The following ATP1A2 variants were observed in gnomAD, a reference collection of about 807,000 sequenced individuals.
ATP1A2 encodes sodium/potassium-transporting ATPase subunit alpha-2.
Under a neutral mutation model 113.1 loss-of-function variants are expected in ATP1A2, and 56 were observed. The ratio of observed to expected loss-of-function variants is 0.49; its 90% confidence interval spans 0.40 to 0.62. The LOEUF is 0.62. ATP1A2 is among the 20% of genes least tolerant of loss of function. The pLI, the probability that ATP1A2 is intolerant of heterozygous loss-of-function variation, is 0.00. For synonymous variants in ATP1A2, 490 were observed against 526.8 expected (o/e 0.93, Z 0.96); for missense variants, 712 against 1,357.8 (o/e 0.52, Z 7.47).
At chr1:160,122,817 A>C (rs1025623407) in intron 3 of ATP1A2, among the ~76,000 whole-genome samples, 1 of 152,146 alleles carries the variant, frequency 6.6e-6, no homozygotes, top group Admixed American at 6.5e-5. Context: ...GCAAGAATCC[A>C]TCTCTTAAAA....
chr1:160,141,374 T>C lies in ATP1A2; in HGVS notation c.*52T>C. Reference sequence around the variant, plus strand: ...GAAAGATGGGGAGCTCTGGAGGTGTTGTGGGGATGGTGATGGAGAGGGATG... The same window carrying C: ...GAAAGATGGGGAGCTCTGGAGGTGTCGTGGGGATGGTGATGGAGAGGGATG... On this transcript the variant is annotated 3_prime_UTR_variant, in exon 23 of 23. Transcript: ENST00000361216. 1.2e-6 allele frequency: 2 copies of C among 1,607,496 alleles called. No individual in the cohort carries two copies. Among genetic ancestry groups the C allele is most frequent in the Non-Finnish European group, 1.7e-6 (2 of 1,174,028 alleles).
Position 160,121,181 on chromosome 1 carries a change from C to G in ATP1A2, c.118-11C>G. The stretch of plus-strand genomic sequence containing the variant: ...CCTCCTCCCCAAAGTAACTCACCCT[C>G]CCTTCCCCAGGATGACCACAAGCTG... On this transcript the variant is annotated splice_polypyrimidine_tract_variant and intron_variant, in intron 2 of 22. Transcript: ENST00000361216. 5 of 1,614,212 alleles carry G rather than the reference C, an allele frequency of 3.1e-6. No homozygotes were observed. The highest frequency in any genetic ancestry group is 3.4e-6 in the Non-Finnish European group (4 of 1,180,020).
Position 160,135,825 on chromosome 1 carries a change from G to A in ATP1A2, c.2285-14G>A. On this transcript the variant is annotated splice_polypyrimidine_tract_variant and intron_variant, in intron 16 of 22. Transcript: ENST00000361216. The surrounding 1 kb of genome is among the most constrained non-coding windows in gnomAD (Gnocchi z 6.3). ...CCCTCTGACCTCCCTGATGCCCTCA[G>A]AATCTCCCCACAGGCCGCCTGATCT... is the stretch of plus-strand genomic sequence containing the variant. 1 of 1,614,120 alleles carries A rather than the reference G, an allele frequency of 6.2e-7. No homozygotes were observed. The highest frequency in any genetic ancestry group is 8.5e-7 in the Non-Finnish European group (1 of 1,180,014).
In ATP1A2 at chr1:160,119,200, C is replaced by CA. The variant is rs1345055606; in HGVS notation, c.13-1699dup. ...TTTGCTGTGAACCAGAAAATTGCTCCAAAAAAAGTATATTTTTTAAAATGC... is the reference window on the plus strand; with the variant it reads ...TTTGCTGTGAACCAGAAAATTGCTCCAAAAAAAAGTATATTTTTTAAAATGC... On this transcript the variant is annotated intron_variant, in intron 1 of 22. Coordinates refer to ENST00000361216, the MANE Select transcript of ATP1A2 (RefSeq NM_000702.4). 1.0e-4 allele frequency among the ~76,000 whole-genome samples: 8 copies of CA among 76,622 alleles called. No individual in the cohort carries two copies. The East Asian group carries it at 2.5e-3, about 24-fold the overall frequency. The allele number at this position is 76,622 out of a possible 152,430, so 50.3% of individuals were successfully genotyped here.
chr1:160,117,075 A>G (rs1651208820), intron 1 of ATP1A2, among the ~76,000 whole-genome samples: 1 of 152,136 alleles, frequency 6.6e-6, no homozygotes, highest in African/African-American at 2.4e-5. Context: ...TAAATGTACA[A>G]GCCTTCAAGC....
chr1:160,136,747 G>A lies in ATP1A2; in HGVS notation c.2709+32G>A, dbSNP rs1350414804. On this transcript the variant is annotated intron_variant, in intron 19 of 22. Transcript: ENST00000361216. ...GGTGCTGTGTAAACACAGCGCACATGTGTGAAGGTACGGGAAGCTGAATGC... is the reference window on the plus strand; with the variant it reads ...GGTGCTGTGTAAACACAGCGCACATATGTGAAGGTACGGGAAGCTGAATGC... The A allele has an allele frequency of 2.5e-6, 4 of 1,614,074 alleles. No homozygotes were observed. The Admixed American group carries it at 5.0e-5, about 20-fold the overall frequency.
chr1:160,135,004 TGAGGA>T lies in ATP1A2; in HGVS notation c.1965-133_1965-129del. 9.4e-7 allele frequency: 1 copy of T among 1,065,590 alleles called. No homozygotes were observed. The highest frequency in any genetic ancestry group is 1.4e-6 in the Non-Finnish European group (1 of 703,636). The allele number at this position is 1,065,590 out of a possible 1,614,324, so 66.0% of individuals were successfully genotyped here. A position where few individuals can be genotyped will look rare whatever the true frequency, so the allele number is the denominator to read the frequency against. The stretch of plus-strand genomic sequence containing the variant: ...AAAGAGAAATGGGGGAAGTGAGTAC[TGAGGA>T]GAGGAGAACTGAAGCAACAGGGGAA... On this transcript the variant is annotated intron_variant, in intron 14 of 22. Coordinates refer to ENST00000361216, the MANE Select transcript of ATP1A2 (RefSeq NM_000702.4). The surrounding 1 kb of genome is among the most constrained non-coding windows in gnomAD (Gnocchi z 6.3).
chr1:160,120,179 G>A (rs1223962402), intron 1 of ATP1A2, among the ~76,000 whole-genome samples: 2 of 152,136 alleles, frequency 1.3e-5, no homozygotes, highest in Non-Finnish European at 2.9e-5. Flanking sequence ...GTGCTTTGGG[G>A]GTCCAGTCCT....
chr1:160,123,568 T>C (rs964051382), intron 4 of ATP1A2, 152 bp downstream of exon 4: 6 of 941,388 alleles, frequency 6.4e-6, no homozygotes, highest in Non-Finnish European at 9.7e-6. Flanking sequence ...GAGGCTTCTA[T>C]ATATATCTGT....
Position 160,141,498 on chromosome 1 carries a change from A to AATT in ATP1A2, c.*176_*177insATT. On this transcript the variant is annotated 3_prime_UTR_variant, in exon 23 of 23. Transcript: ENST00000361216. ...GTATATAAATTGGGGTGATGACCCC[A>AATT]TAGACCTAACTGTGAACAATCAGAT... 4 of 755,290 alleles carry AATT rather than the reference A, an allele frequency of 5.3e-6. No homozygotes were observed. The highest frequency in any genetic ancestry group is 9.2e-6 in the Non-Finnish European group (4 of 433,652). 46.8% of individuals were successfully genotyped at this position (755,290 alleles called of 1,614,324 possible).
intron 9 of ATP1A2, 22 bp from the exon 10 acceptor site, chr1:160,128,958 G>C: frequency 2.5e-6 from 4 of 1,596,544 alleles, no homozygotes; most frequent in Non-Finnish European, 3.4e-6. Flanking sequence ...CACGCTCCTG[G>C]TTCCCCCTCA....
In ATP1A2 at chr1:160,121,319, G is replaced by C. The variant is rs369814326; in HGVS notation, c.177+68G>C. On this transcript the variant is annotated intron_variant, in intron 3 of 22. Coordinates refer to ENST00000361216, the MANE Select transcript of ATP1A2 (RefSeq NM_000702.4). Reference sequence around the variant, plus strand: ...AAACCATGCAGCATCAAGGTGGCAGGAGCCTTAAAACTGTAATCCAGCCTT... The same window carrying C: ...AAACCATGCAGCATCAAGGTGGCAGCAGCCTTAAAACTGTAATCCAGCCTT... 371 of 1,574,784 alleles carry C rather than the reference G, an allele frequency of 2.4e-4. 1 individual carries two copies. The Middle Eastern group carries it at 2.5e-3, about 11-fold the overall frequency.
At chr1:160,140,667 C>T in intron 22 of ATP1A2, 1 of 167,182 alleles carries the variant, frequency 6.0e-6, no homozygotes, top group Non-Finnish European at 1.3e-5. Flanking sequence ...CAGCTGCTCC[C>T]TTAGACTCTC....
Position 160,120,933 on chromosome 1 carries a change from A to G in ATP1A2, c.40A>G (p.Thr14Ala). The change falls in exon 2 of 23, where the codon ACC (threonine) becomes GCC (alanine). Residue 14 changes from threonine to alanine, a missense_variant. By Grantham distance (58) the Thr-to-Ala change is moderately conservative. This residue lies in a region of ATP1A2 where 109 missense variants were observed against 162.3 expected (regional missense o/e 0.67). Transcript: ENST00000361216. ...TGGCCGTGAGTACTCACCTGCCGCC[A>G]CCACGGCAGAGAATGGGGGCGGCAA... is the stretch of plus-strand genomic sequence containing the variant. The part of the protein sequence containing the change: ...GAGREYSPAA[T>A]TAENGGGKKK... 6.2e-7 allele frequency: 1 copy of G among 1,607,164 alleles called. No homozygotes were observed. Among genetic ancestry groups the G allele is most frequent in the Non-Finnish European group, 8.5e-7 (1 of 1,176,742 alleles).
Position 160,141,459 on chromosome 1 carries a change from G to C in ATP1A2, c.*137G>C, listed in dbSNP as rs1249379678. On this transcript the variant is annotated 3_prime_UTR_variant, in exon 23 of 23. Transcript: ENST00000361216. ...GGAGAGATAATGAGGCAACTCAGCAGGCTAAGTTGCGGGGTATATAAATTG... is the reference window on the plus strand; with the variant it reads ...GGAGAGATAATGAGGCAACTCAGCACGCTAAGTTGCGGGGTATATAAATTG... The C allele has an allele frequency of 2.0e-5, 22 of 1,124,502 alleles. No homozygotes were observed. 69.7% of individuals were successfully genotyped at this position (1,124,502 alleles called of 1,614,324 possible). A position where few individuals can be genotyped will look rare whatever the true frequency, so the allele number is the denominator to read the frequency against.
rs758478461 is a variant in ATP1A2, at chr1:160,135,323, C to T, written c.2115+28C>T. On this transcript the variant is annotated intron_variant, in intron 15 of 22. Coordinates refer to ENST00000361216, the MANE Select transcript of ATP1A2 (RefSeq NM_000702.4). The surrounding 1 kb of genome is among the most constrained non-coding windows in gnomAD (Gnocchi z 6.3). ...GAGCACAGCCACGGGAGGCAGATGA[C>T]AGGCAGGGACCGGGGAGGCAGGGAC... 3 of 1,614,162 alleles carry T rather than the reference C, an allele frequency of 1.9e-6. No homozygotes were observed. Among genetic ancestry groups the T allele is most frequent in the Non-Finnish European group, 2.5e-6 (3 of 1,180,022 alleles).
intron 2 of ATP1A2, 36 bp downstream of exon 2, chr1:160,121,046 A>T: frequency 6.2e-7 from 1 of 1,612,096 alleles, no homozygotes; most frequent in Non-Finnish European, 8.5e-7. Flanking sequence ...GAGGGGCCCC[A>T]TGCTGGGAGA....
At position 160,130,520 on chromosome 1, in the gene ATP1A2, G is replaced by T; in HGVS notation, c.1750G>T (p.Gly584Trp). The T allele has an allele frequency of 6.2e-7, 1 of 1,614,202 alleles. No individual in the cohort carries two copies. Among genetic ancestry groups the T allele is most frequent in the Non-Finnish European group, 8.5e-7 (1 of 1,180,032 alleles). ...NFPTEKLCFVGLMSMIDPPRA... is the reference protein window; with the variant it reads ...NFPTEKLCFVWLMSMIDPPRA... ...TCCCACGGAGAAGCTTTGCTTTGTG[G>T]GGCTCATGTCTATGATTGACCCTCC... Residue 584 changes from glycine to tryptophan, a missense_variant, in exon 13 of 23, where the codon GGG becomes TGG. Around this residue, in one of 6 missense-constraint regions of ATP1A2, gnomAD observed 263 missense variants for 380.6 expected, o/e 0.69. Transcript: ENST00000361216.
At position 160,136,148 on chromosome 1, in the gene ATP1A2, T is replaced by A. The variant is rs182927908; in HGVS notation, c.2440-99T>A. The A allele has an allele frequency of 1.9e-6, 3 of 1,603,056 alleles. No individual in the cohort carries two copies. In the East Asian group the frequency reaches 6.7e-5, roughly 36 times the overall value. On this transcript the variant is annotated intron_variant, in intron 17 of 22. Coordinates refer to ENST00000361216, the MANE Select transcript of ATP1A2 (RefSeq NM_000702.4). ...AATGGGGTCTGAATACACGCTTTTT[T>A]AACTGTGTCAACGATCGTCACTGTC...
Sources: gnomAD v4.1 joint callset for allele counts (sites outside exome capture counted in the v4.1 genomes callset) on GRCh38, gnomAD v4.1.1 for gene constraint, gnomAD v4.1.1 regional missense constraint, Gnocchi (gnomAD v3.1) non-coding constraint, MANE v1.5 for transcripts, NCBI Gene and HGNC (gene_info 2026-07-23, HGNC 2026-07-21) for gene names.